BANK1: variants seen among roughly 807,000 people sequenced by gnomAD.
BANK1 encodes B-cell scaffold protein with ankyrin repeats.
In BANK1, 95 loss-of-function variants were observed where a neutral mutation model predicts 94.5. That is an observed-to-expected ratio of 1.00 (90% CI 0.85 to 1.19). The LOEUF (loss-of-function observed/expected upper bound fraction) is 1.19, where lower values mean the gene tolerates loss of function less well. Among genes scored for constraint, BANK1 ranks in the 50% most tolerant of loss-of-function variants. The pLI is 0.00. For synonymous variants in BANK1, 334 were observed against 308.4 expected, an observed-to-expected ratio of 1.08 and a Z score of -0.87; for missense variants, 987 against 932.2, an observed-to-expected ratio of 1.06 and a Z score of -0.77.
rs185074977 is a variant in BANK1 at position 101,853,157 on chromosome 4, A to G, written c.470-1878A>G. On this transcript the variant is annotated intron_variant, in intron 2 of 16. Transcript: ENST00000322953. ...AGGACTGTTTTTCATTTCAAACAAGACTAGTACTGAGAGGAAGCTGGAAGT... is the reference window on the plus strand; with the variant it reads ...AGGACTGTTTTTCATTTCAAACAAGGCTAGTACTGAGAGGAAGCTGGAAGT... Among the ~76,000 whole-genome samples the G allele has an allele frequency of 5.3e-5, 8 of 152,322 alleles. No homozygotes were observed. In the East Asian group the frequency reaches 1.5e-3, roughly 29 times the overall value.
intron 7 of BANK1, among the ~76,000 whole-genome samples, chr4:101,925,422 C>T (rs1393609416): frequency 2.0e-5 from 3 of 151,614 alleles, no homozygotes; most frequent in Non-Finnish European, 3.0e-5. Context: ...TTACCTATGC[C>T]TCAGTAGGTA....
rs1160400880 is a variant in BANK1 at position 102,007,054 on chromosome 4, T to A, written c.1207-14460T>A. On this transcript the variant is annotated intron_variant, in intron 7 of 16. Transcript: ENST00000322953. ...TCTTAATGGTAAATATATATATATA[T>A]AAAATATATAATTTTATATATATAT... Among the ~76,000 whole-genome samples the A allele has an allele frequency of 6.3e-4, 79 of 125,368 alleles. 2 individuals carry two copies. The highest frequency in any genetic ancestry group is 8.7e-4 in the Non-Finnish European group (52 of 59,990). 82.2% of individuals were successfully genotyped at this position (125,368 alleles called of 152,430 possible).
At chr4:102,031,944 CAA>C (rs1262074720) in intron 10 of BANK1, among the ~76,000 whole-genome samples, 1 of 146,074 alleles carries the variant, frequency 6.8e-6, no homozygotes, top group Non-Finnish European at 1.5e-5. Context: ...GAAACTATAA[CAA>C]ATTAGGAAAC....
chr4:101,930,142 C>G (rs1723292772), intron 7 of BANK1, among the ~76,000 whole-genome samples: 1 of 151,200 alleles, frequency 6.6e-6, no homozygotes. Flanking sequence ...TTGAATATCT[C>G]TCCCACAGAA....
At chr4:101,892,529 A>T (rs549635012) in intron 5 of BANK1, among the ~76,000 whole-genome samples, 1 of 117,766 alleles carries the variant, frequency 8.5e-6, no homozygotes, top group Non-Finnish European at 1.6e-5. Flanking sequence ...ATGTATATGT[A>T]TATATATATA....
chr4:101,941,742 TAC>T (rs10625591), intron 7 of BANK1, among the ~76,000 whole-genome samples: 33 of 149,530 alleles, frequency 2.2e-4, no homozygotes, highest in Admixed American at 9.3e-4. Flanking sequence ...GATGTGTGTG[TAC>T]ACACACACAC....
chr4:102,021,431 A>C lies in BANK1; in HGVS notation c.1207-83A>C, dbSNP rs887908874. 5.0e-5 allele frequency: 26 copies of C among 517,696 alleles called. 1 individual carries two copies. The Middle Eastern group carries it at 1.4e-3, about 27-fold the overall frequency. The allele number at this position is 517,696 out of a possible 1,614,324, so 32.1% of individuals were successfully genotyped here. A position where few individuals can be genotyped will look rare whatever the true frequency, so the allele number is the denominator to read the frequency against. On this transcript the variant is annotated intron_variant, in intron 7 of 16. Transcript: ENST00000322953. ...TGTAATATAATATTTAAATAAAAAC[A>C]AAAACTATTTCTTATTTGCACAGGC...
At chr4:102,031,538 A>G (rs1156756519) in intron 10 of BANK1, among the ~76,000 whole-genome samples, 4 of 152,196 alleles carry the variant, frequency 2.6e-5, no homozygotes, top group African/African-American at 9.6e-5. Context: ...TTTTAAATTT[A>G]GAAACATAGT....
At chr4:101,879,599 G>T (rs958124244) in intron 5 of BANK1, among the ~76,000 whole-genome samples, 1 of 151,742 alleles carries the variant, frequency 6.6e-6, no homozygotes, top group Non-Finnish European at 1.5e-5. Context: ...AATTCTACGA[G>T]CCCTGTATTA....
Position 102,011,411 on chromosome 4 carries a change from A to G in BANK1, c.1207-10103A>G, listed in dbSNP as rs542399581. On this transcript the variant is annotated intron_variant, in intron 7 of 16. Transcript: ENST00000322953. Reference sequence around the variant, plus strand: ...CACTTGAAGTTTTAAATGCTAACCTATCACTTCACAACAAGGAGGTATGCA... The same window carrying G: ...CACTTGAAGTTTTAAATGCTAACCTGTCACTTCACAACAAGGAGGTATGCA... 6.7e-4 allele frequency among the ~76,000 whole-genome samples: 102 copies of G among 152,362 alleles called. No individual in the cohort carries two copies. The South Asian group carries it at 0.019, about 29-fold the overall frequency.
intron 2 of BANK1, among the ~76,000 whole-genome samples, chr4:101,843,760 CA>C (rs972459869): frequency 2.5e-4 from 37 of 146,544 alleles, no homozygotes; most frequent in Non-Finnish European, 3.6e-4. Context: ...ACTAAATATA[CA>C]AAAAAAAAAG....
intron 7 of BANK1, among the ~76,000 whole-genome samples, chr4:102,013,980 G>A (rs563246925): frequency 6.6e-6 from 1 of 152,122 alleles, no homozygotes; most frequent in African/African-American, 2.4e-5. Context: ...TGCGAGATAA[G>A]GTACATTTAT....
At chr4:102,035,838 T>C (rs994430252) in intron 10 of BANK1, among the ~76,000 whole-genome samples, 1 of 152,280 alleles carries the variant, frequency 6.6e-6, no homozygotes, top group Non-Finnish European at 1.5e-5. Flanking sequence ...CTTTTTTTTT[T>C]ATCCCTGTAA....
chr4:101,996,369 C>T (rs1014713351), intron 7 of BANK1, among the ~76,000 whole-genome samples: 17 of 152,150 alleles, frequency 1.1e-4, no homozygotes, highest in African/African-American at 4.1e-4. Context: ...ATGATGCCTC[C>T]AGCTTTGTTC....
chr4:101,795,948 T>C (rs951570073), intron 1 of BANK1, among the ~76,000 whole-genome samples: 1 of 152,232 alleles, frequency 6.6e-6, no homozygotes, highest in Non-Finnish European at 1.5e-5. Context: ...GTCAGGCTTA[T>C]ACAGAGTTGT....
Position 102,043,858 on chromosome 4 carries a change from C to G in BANK1, c.1920C>G (p.Ala640=). The G allele has an allele frequency of 6.2e-7, 1 of 1,602,914 alleles. No homozygotes were observed. Reference sequence around the variant, plus strand: ...TTACAGTGTTTCAACAAAAGACAGCCAGAAGACAATCTGATGATGACAAGT... The same window carrying G: ...TTACAGTGTTTCAACAAAAGACAGCGAGAAGACAATCTGATGATGACAAGT... The part of the protein sequence containing the change: ...YIAQVFQQKT[A]RRQSDDDKFC... The change falls in exon 11 of 17, where the codon GCC becomes GCG. Residue 640 remains alanine, a synonymous_variant. Coordinates refer to ENST00000322953, the MANE Select transcript of BANK1 (RefSeq NM_017935.5).
intron 7 of BANK1, among the ~76,000 whole-genome samples, chr4:101,959,039 C>T (rs893526235): frequency 1.3e-5 from 2 of 152,174 alleles, no homozygotes; most frequent in Non-Finnish European, 2.9e-5. Context: ...AAGTTGAAGG[C>T]AGACACTATG....
intron 8 of BANK1, among the ~76,000 whole-genome samples, chr4:102,022,013 AT>A (rs1404215835): frequency 6.6e-6 from 1 of 152,056 alleles, no homozygotes; most frequent in Non-Finnish European, 1.5e-5. Context: ...CTACATTCTA[AT>A]GTCTGAAGAA....
At chr4:102,000,052 G>A (rs1726008736) in intron 7 of BANK1, among the ~76,000 whole-genome samples, 1 of 152,122 alleles carries the variant, frequency 6.6e-6, no homozygotes, top group African/African-American at 2.4e-5. Context: ...GGGTGCAGTG[G>A]CTCATGCCTG....
Sources: allele counts gnomAD v4.1 joint callset (sites outside exome capture counted in the v4.1 genomes callset), GRCh38; gene constraint gnomAD v4.1.1; transcripts MANE v1.5; gene names NCBI Gene and HGNC (gene_info 2026-07-23, HGNC 2026-07-21).